SERTM1: variants seen among roughly 807,000 people sequenced by gnomAD.
The protein encoded by SERTM1 is serine rich and transmembrane domain containing 1, also known as serine-rich and transmembrane domain-containing protein 1.
Under a neutral mutation model 5.5 loss-of-function variants are expected in SERTM1, and 1 was observed. That is an observed-to-expected ratio of 0.18 (90% CI 0.06 to 0.86). SERTM1 has a LOEUF of 0.86. Among genes scored for constraint, SERTM1 ranks in the 40% least tolerant of loss-of-function variants. The probability of loss-of-function intolerance (pLI) is 0.69; values close to 1 mark genes in which losing one functional copy is unlikely to be tolerated. For missense variants in SERTM1, 91 were observed against 122.4 expected (o/e 0.74, Z 1.21); for synonymous variants, 52 against 55.1 (o/e 0.94, Z 0.25).
chr13:36,689,506 AAATAATAATAATAATAATAAT>A (rs3052684), intron 1 of SERTM1, among the ~76,000 whole-genome samples: 3 of 142,020 alleles, frequency 2.1e-5, no homozygotes, highest in Admixed American at 7.1e-5. Flanking sequence ...CTCTGTCTCA[AAATAATAATAATAATAATAAT>A]AATAATAATA....
intron 1 of SERTM1, among the ~76,000 whole-genome samples, chr13:36,676,196 T>C (rs1393023541): frequency 2.6e-5 from 4 of 152,048 alleles, no homozygotes; most frequent in Non-Finnish European, 5.9e-5. Context: ...TGAGGGCAGA[T>C]GAAGAATGAC....
chr13:36,689,656 T>C (rs1037246519), intron 1 of SERTM1, among the ~76,000 whole-genome samples: 5 of 151,026 alleles, frequency 3.3e-5, no homozygotes, highest in African/African-American at 9.7e-5. Flanking sequence ...TTCATATCCT[T>C]TTTTGAAAGA....
intron 1 of SERTM1, among the ~76,000 whole-genome samples, chr13:36,686,790 A>C (rs1001336934): frequency 6.6e-6 from 1 of 152,168 alleles, no homozygotes; most frequent in Non-Finnish European, 1.5e-5. Context: ...TGGTTTTTTT[A>C]ATTGATCCAA....
intron 1 of SERTM1, among the ~76,000 whole-genome samples, chr13:36,689,620 T>A (rs2056765123): frequency 1.3e-5 from 2 of 150,418 alleles, no homozygotes; most frequent in African/African-American, 4.9e-5. Flanking sequence ...TGAGACTGTA[T>A]GAGGTAGATG....
At chr13:36,678,552 T>C (rs920862841) in intron 1 of SERTM1, among the ~76,000 whole-genome samples, 1 of 151,806 alleles carries the variant, frequency 6.6e-6, no homozygotes, top group Non-Finnish European at 1.5e-5. Flanking sequence ...AATTAGCTAA[T>C]GCATGCTGGG....
rs1247825123 is a variant in SERTM1 at position 36,682,634 on chromosome 13, CAT to C, written c.-174+8451_-174+8452del. On this transcript the variant is annotated intron_variant, in intron 1 of 1. Coordinates refer to ENST00000315190, the MANE Select transcript of SERTM1 (RefSeq NM_203451.3). ...TTTTTAACTGGAGAATTGAAAACAGCATGTTATGCCTGGAACGCAAATCTTAG... is the reference window on the plus strand; with the variant it reads ...TTTTTAACTGGAGAATTGAAAACAGCGTTATGCCTGGAACGCAAATCTTAG... 2.6e-5 allele frequency among the ~76,000 whole-genome samples: 4 copies of C among 152,158 alleles called. No individual in the cohort carries two copies. In the East Asian group the frequency reaches 5.8e-4, roughly 22 times the overall value.
At chr13:36,690,777 C>T (rs2056772784) in intron 1 of SERTM1, among the ~76,000 whole-genome samples, 1 of 152,106 alleles carries the variant, frequency 6.6e-6, no homozygotes, top group Non-Finnish European at 1.5e-5. Flanking sequence ...TCAAATCTTC[C>T]TTTTGTGTAC....
intron 1 of SERTM1, among the ~76,000 whole-genome samples, chr13:36,687,910 A>G (rs991009791): frequency 1.3e-5 from 2 of 152,248 alleles, no homozygotes; most frequent in African/African-American, 4.8e-5. Flanking sequence ...GAGGCCCACA[A>G]AGGCCCCAAG....
At chr13:36,679,375 AT>A (rs1327922763) in intron 1 of SERTM1, among the ~76,000 whole-genome samples, 2 of 151,854 alleles carry the variant, frequency 1.3e-5, no homozygotes, top group Non-Finnish European at 2.9e-5. Flanking sequence ...TGCTTAGTCA[AT>A]TTTTTTGTTT....
intron 1 of SERTM1, among the ~76,000 whole-genome samples, chr13:36,685,359 G>T (rs1162743202): frequency 6.6e-6 from 1 of 152,150 alleles, no homozygotes; most frequent in Non-Finnish European, 1.5e-5. Flanking sequence ...CCCTTCCCAG[G>T]TGTCCTTGGA....
chr13:36,692,958 G>GTCATCC (rs1181829991), intron 1 of SERTM1, among the ~76,000 whole-genome samples: 1 of 152,170 alleles, frequency 6.6e-6, no homozygotes, highest in Admixed American at 6.5e-5. Context: ...CTGCAAAGTA[G>GTCATCC]TCATGAGGAA....
chr13:36,685,424 A>G (rs1007776018), intron 1 of SERTM1, among the ~76,000 whole-genome samples: 3 of 152,214 alleles, frequency 2.0e-5, no homozygotes, highest in African/African-American at 7.2e-5. Flanking sequence ...GTCTCCTTGT[A>G]TAGATCGTGT....
rs781775499 is a variant in SERTM1, at chr13:36,695,344, A to G, written c.266A>G (p.Asn89Ser). 13 of 1,614,132 alleles carry G rather than the reference A, an allele frequency of 8.1e-6. No homozygotes were observed. The highest frequency in any genetic ancestry group is 5.5e-5 in the South Asian group (5 of 91,084). Residue 89 changes from asparagine to serine, a missense_variant, in exon 2 of 2, where the codon AAT becomes AGT. Asn to Ser is a conservative substitution (Grantham distance 46, BLOSUM62 1). Transcript: ENST00000315190. ...YPSDAGSSFT[N>S]LEVCSISSQR... ...AGCGACGCTGGAAGTTCTTTCACCA[A>G]TTTGGAAGTCTGCAGCATTTCCTCT...
At chr13:36,682,986 C>T (rs2056715486) in intron 1 of SERTM1, among the ~76,000 whole-genome samples, 1 of 152,180 alleles carries the variant, frequency 6.6e-6, no homozygotes, top group Non-Finnish European at 1.5e-5. Context: ...ATCTCTGCCT[C>T]CTGGGTTCAA....
At chr13:36,692,894 T>C (rs2056788490) in intron 1 of SERTM1, among the ~76,000 whole-genome samples, 2 of 152,232 alleles carry the variant, frequency 1.3e-5, no homozygotes, top group South Asian at 4.1e-4. Context: ...CGCGATGTTT[T>C]TGCATGTCAG....
At chr13:36,680,203 A>C (rs2056696078) in intron 1 of SERTM1, among the ~76,000 whole-genome samples, 1 of 152,182 alleles carries the variant, frequency 6.6e-6, no homozygotes, top group African/African-American at 2.4e-5. Flanking sequence ...TACTCATGGG[A>C]AAGTCTTTGG....
intron 1 of SERTM1, among the ~76,000 whole-genome samples, chr13:36,689,939 A>G (rs912573800): frequency 3.9e-5 from 6 of 152,182 alleles, no homozygotes; most frequent in African/African-American, 1.4e-4. Context: ...GCCGAACCCA[A>G]AGCAACCTAA....
At chr13:36,688,281 A>G (rs1315609710) in intron 1 of SERTM1, among the ~76,000 whole-genome samples, 2 of 151,730 alleles carry the variant, frequency 1.3e-5, no homozygotes, top group Admixed American at 1.3e-4. Context: ...TGGCACGATC[A>G]TGGCTCACTG....
At chr13:36,689,801 C>T (rs2056766674) in intron 1 of SERTM1, among the ~76,000 whole-genome samples, 2 of 151,518 alleles carry the variant, frequency 1.3e-5, no homozygotes, top group African/African-American at 4.8e-5. Flanking sequence ...AAAATAAGTT[C>T]TCTAAAGTAA....
Sources: allele counts gnomAD v4.1 joint callset (sites outside exome capture counted in the v4.1 genomes callset), GRCh38; gene constraint gnomAD v4.1.1; transcripts MANE v1.5; gene names NCBI Gene and HGNC (gene_info 2026-07-23, HGNC 2026-07-21).